The following GPA33 variants were observed in gnomAD, a reference collection of about 807,000 sequenced individuals.
GPA33 encodes the protein glycoprotein A33.
A neutral mutation model predicts 35.6 loss-of-function variants in GPA33; 27 were observed. The ratio of observed to expected loss-of-function variants is 0.76; its 90% CI spans 0.56 to 1.04. The LOEUF is 1.04. Among genes scored for constraint, GPA33 ranks in the 50% least tolerant of loss-of-function variants. The pLI is 0.00. For missense variants in GPA33, 428 were observed against 411.9 expected (o/e 1.04, Z -0.34); for synonymous variants, 176 against 164.0 (o/e 1.07, Z -0.56).
chr1:167,069,103 G>C lies in GPA33; in HGVS notation c.234C>G (p.Asn78Lys), dbSNP rs368108262. 5 of 1,613,942 alleles carry C rather than the reference G, an allele frequency of 3.1e-6. No homozygotes were observed. Among genetic ancestry groups the C allele is most frequent in the Non-Finnish European group, 4.2e-6 (5 of 1,179,848 alleles). Residue 78 changes from asparagine to lysine, a missense_variant, in exon 3 of 7, where the codon AAC becomes AAG. Transcript: ENST00000367868. ...TCTTATAAAGCTCACCATGGATGTA[G>C]TTTTTGTTTGAAAACGGCCAGATGA... ...RVVIWPFSNK[N>K]YIHGELYKNR...
intron 4 of GPA33, among the ~76,000 whole-genome samples, chr1:167,056,858 T>TG (rs1666312088): frequency 2.7e-5 from 1 of 37,530 alleles, no homozygotes; most frequent in East Asian, 7.0e-4. Context: ...ATGTGTGTGG[T>TG]GTGTGTGTGG....
chr1:167,074,950 C>T (rs1666794494), intron 1 of GPA33, among the ~76,000 whole-genome samples: 1 of 148,174 alleles, frequency 6.7e-6, no homozygotes, highest in South Asian at 2.1e-4. Flanking sequence ...GCTCTGTTGC[C>T]AGGCTGGAGT....
intron 4 of GPA33, among the ~76,000 whole-genome samples, chr1:167,059,667 A>T (rs138818580): frequency 6.6e-6 from 1 of 151,800 alleles, no homozygotes; most frequent in African/African-American, 2.4e-5. Context: ...TCTTCAGTGC[A>T]TGAAACTCAG....
At chr1:167,077,307 GC>G (rs1251850603) in intron 1 of GPA33, among the ~76,000 whole-genome samples, 2 of 152,044 alleles carry the variant, frequency 1.3e-5, no homozygotes, top group African/African-American at 4.8e-5. Context: ...AGTGCCGTCT[GC>G]CCAGCTCCCA....
At chr1:167,069,635 G>T (rs1039593302) in intron 2 of GPA33, among the ~76,000 whole-genome samples, 1 of 152,228 alleles carries the variant, frequency 6.6e-6, no homozygotes, top group Non-Finnish European at 1.5e-5. Context: ...TTATCAAATT[G>T]TATGTGGTAA....
chr1:167,079,513 A>T (rs2102198819), intron 1 of GPA33, among the ~76,000 whole-genome samples: 1 of 152,226 alleles, frequency 6.6e-6, no homozygotes, highest in African/African-American at 2.4e-5. Flanking sequence ...AAAAAAAAGA[A>T]AACTTGCACA....
intron 4 of GPA33, among the ~76,000 whole-genome samples, chr1:167,060,372 G>A (rs1033006602): frequency 1.3e-5 from 2 of 152,164 alleles, no homozygotes; most frequent in African/African-American, 2.4e-5. Flanking sequence ...ACTGCACCTG[G>A]CCAGAATTGG....
chr1:167,069,723 G>T (rs992834423), intron 2 of GPA33, among the ~76,000 whole-genome samples: 8 of 152,220 alleles, frequency 5.3e-5, no homozygotes, highest in African/African-American at 1.9e-4. Context: ...GTATGACCTT[G>T]AGCAAAATGT....
rs571861224 is a variant in GPA33 at position 167,063,790 on chromosome 1, C to T, written c.416-53G>A. 264 of 1,478,372 alleles carry T rather than the reference C, an allele frequency of 1.8e-4. 2 individuals are homozygous for T. The East Asian group carries it at 6.0e-3, about 34-fold the overall frequency. 91.6% of individuals were successfully genotyped at this position (1,478,372 alleles called of 1,614,324 possible). A position where few individuals can be genotyped will look rare whatever the true frequency, so the allele number is the denominator to read the frequency against. ...GCATGAGGCAGGTGGGGCTTGGTGA[C>T]AGCCACCCACCCCTCCCCACCCACC... On this transcript the variant is annotated intron_variant, in intron 3 of 6. Coordinates refer to ENST00000367868, the MANE Select transcript of GPA33 (RefSeq NM_005814.3).
intron 1 of GPA33, among the ~76,000 whole-genome samples, chr1:167,076,721 A>G (rs1666829478): frequency 6.6e-6 from 1 of 152,218 alleles, no homozygotes; most frequent in South Asian, 2.1e-4. Flanking sequence ...TGTCAAAAAA[A>G]CAGGTTTCCC....
Position 167,069,094 on chromosome 1 carries a change from A to T in GPA33, c.243T>A (p.His81Gln). 1 of 1,613,968 alleles carries T rather than the reference A, an allele frequency of 6.2e-7. No homozygotes were observed. Among genetic ancestry groups the T allele is most frequent in the Non-Finnish European group, 8.5e-7 (1 of 1,179,890 alleles). ...TGACGCGATTCTTATAAAGCTCACC[A>T]TGGATGTAGTTTTTGTTTGAAAACG... ...IWPFSNKNYI[H>Q]GELYKNRVSI... The change falls in exon 3 of 7, where the codon CAT (histidine) becomes CAA (glutamine). Residue 81 changes from histidine (H) to glutamine (Q), a missense_variant. Physicochemically the swap from His to Gln is conservative, Grantham distance 24. Transcript: ENST00000367868.
rs753482303 is a variant in GPA33 at position 167,063,706 on chromosome 1, C to G, written c.447G>C (p.Glu149Asp). 1 of 1,613,472 alleles carries G rather than the reference C, an allele frequency of 6.2e-7. No homozygotes were observed. The change falls in exon 4 of 7, where the codon GAG becomes GAC. Residue 149 changes from glutamate (E) to aspartate (D), a missense_variant. Glu to Asp is a conservative substitution (Grantham distance 45). Transcript: ENST00000367868. ...VPPSKPECGIEGETIIGNNIQ... is the reference protein window; with the variant it reads ...VPPSKPECGIDGETIIGNNIQ... The stretch of plus-strand genomic sequence containing the variant: ...TGTTGTTCCCAATTATGGTCTCTCC[C>G]TCGATGCCGCATTCTGGTTTGGAGG...
chr1:167,081,004 A>G (rs1000816886), intron 1 of GPA33, among the ~76,000 whole-genome samples: 3 of 152,214 alleles, frequency 2.0e-5, no homozygotes, highest in Non-Finnish European at 4.4e-5. Flanking sequence ...AGAGATGAGA[A>G]GTGGAGTCTG....
intron 1 of GPA33, among the ~76,000 whole-genome samples, chr1:167,076,747 A>G (rs1049816750): frequency 2.0e-5 from 3 of 152,182 alleles, no homozygotes; most frequent in East Asian, 1.9e-4. Context: ...TGGCATTTGC[A>G]TATTTTCCTC....
intron 4 of GPA33, among the ~76,000 whole-genome samples, chr1:167,056,745 GGT>G (rs1421465948): frequency 5.5e-4 from 3 of 5,434 alleles, no homozygotes; most frequent in African/African-American, 1.5e-3. Flanking sequence ...TGGTGTGTGT[GGT>G]GTGTGTATGG....
chr1:167,063,548 C>T (rs539164220), intron 4 of GPA33, 34 bp downstream of exon 4: 12 of 1,571,276 alleles, frequency 7.6e-6, no homozygotes, highest in South Asian at 3.5e-5. Flanking sequence ...TGCACTTTGA[C>T]GTGGGGAGCC....
At chr1:167,076,534 C>T (rs1666826498) in intron 1 of GPA33, among the ~76,000 whole-genome samples, 2 of 152,304 alleles carry the variant, frequency 1.3e-5, no homozygotes, top group South Asian at 2.1e-4. Context: ...AAATGCAAAT[C>T]GCTCCTGGGA....
Position 167,068,942 on chromosome 1 carries a change from C to G in GPA33, c.395G>C (p.Arg132Pro). 1 of 1,612,910 alleles carries G rather than the reference C, an allele frequency of 6.2e-7. No individual in the cohort carries two copies. The highest frequency in any genetic ancestry group is 8.5e-7 in the Non-Finnish European group (1 of 1,179,746). The part of the protein sequence containing the change: ...MSDLEGNTKS[R>P]VRLLVLVPPS... ...CTCACCGAGGACCAACAGGCGGACA[C>G]GTGACTTGGTGTTGCCCTCCAGGTC... Residue 132 changes from arginine (R) to proline (P), a missense_variant, in exon 3 of 7, where the codon CGT (arginine) becomes CCT (proline). By Grantham distance (103) the Arg-to-Pro change is moderately radical. Coordinates refer to ENST00000367868, the MANE Select transcript of GPA33 (RefSeq NM_005814.3).
chr1:167,089,653 TTCCCTCCCAGAGGGAAATGCTCAGAG>T lies in GPA33; in HGVS notation c.43+566_43+591del, dbSNP rs558827428. On this transcript the variant is annotated intron_variant, in intron 1 of 6. Transcript: ENST00000367868. ...AATGTCTGATTTTGTTCTGGGAGGT[TTCCCTCCCAGAGGGAAATGCTCAGAG>T]TCCCAGAATTTTCAATGACCAGGGT... 1.3e-4 allele frequency among the ~76,000 whole-genome samples: 20 copies of T among 152,240 alleles called. 1 individual carries two copies. The East Asian group carries it at 2.9e-3, about 22-fold the overall frequency.
Sources: gnomAD v4.1 joint callset for allele counts (sites outside exome capture counted in the v4.1 genomes callset) on GRCh38, gnomAD v4.1.1 for gene constraint, MANE v1.5 for transcripts, NCBI Gene and HGNC (gene_info 2026-07-23, HGNC 2026-07-21) for gene names.